USH2A: variants seen among roughly 807,000 people sequenced by gnomAD.
USH2A encodes usherin.
A neutral mutation model predicts 538.9 loss-of-function variants in USH2A; 443 were observed. That is an observed-to-expected ratio of 0.82 (90% CI 0.76 to 0.89). The LOEUF (loss-of-function observed/expected upper bound fraction) is 0.89, where lower values mean the gene tolerates loss of function less well. Ranked by LOEUF, USH2A falls within the 40% of genes least tolerant of loss-of-function variation. USH2A has a pLI of 0.00. For missense variants in USH2A, 6,633 were observed against 6,324.8 expected (o/e 1.05, Z -1.65); for synonymous variants, 2,413 against 2,273.5 (o/e 1.06, Z -1.75).
At position 215,790,274 on chromosome 1, in the gene USH2A, A is replaced by C. The variant is rs766658893; in HGVS notation, c.9967T>G (p.Cys3323Gly). The C allele has an allele frequency of 2.0e-5, 32 of 1,613,850 alleles. No homozygotes were observed. The highest frequency in any genetic ancestry group is 2.7e-5 in the Non-Finnish European group (32 of 1,179,994). Residue 3323 changes from cysteine (C) to glycine (G), a missense_variant, in exon 51 of 72, where the codon TGT becomes GGT. Physicochemically the swap from Cys to Gly is radical, Grantham distance 159. Transcript: ENST00000307340. ...VVYNRLPGMF[C>G]CGQDYVNMSD... ...ATATTCACATAATCCTGCCCACAAC[A>C]GAACATACCTGCAACAATAAAATGT...
chr1:216,253,763 T>C (rs1232773467), intron 11 of USH2A, among the ~76,000 whole-genome samples: 2 of 152,228 alleles, frequency 1.3e-5, no homozygotes, highest in Admixed American at 6.5e-5. Context: ...AAACAAATTG[T>C]AGTCGTTAAA....
At position 216,015,924 on chromosome 1, in the gene USH2A, CA is replaced by C. The variant is rs377152199; in HGVS notation, c.6326-15363del. ...TTTATTGCCGCACTATTCACAATAGCAAAGACTTGGAACCAACCCAAACGTC... is the reference window on the plus strand; with the variant it reads ...TTTATTGCCGCACTATTCACAATAGCAAGACTTGGAACCAACCCAAACGTC... On this transcript the variant is annotated intron_variant, in intron 32 of 71. Coordinates refer to ENST00000307340, the MANE Select transcript of USH2A (RefSeq NM_206933.4). Among the ~76,000 whole-genome samples the C allele has an allele frequency of 6.1e-3, 921 of 152,228 alleles. 9 individuals carry two copies. Among genetic ancestry groups the C allele is most frequent in the African/African-American group, 0.021 (872 of 41,538 alleles).
chr1:215,867,299 T>C, intron 43 of USH2A, 129 bp from the exon 44 acceptor site: 1 of 1,000,854 alleles, frequency 1.0e-6, no homozygotes, highest in South Asian at 1.6e-5. Flanking sequence ...TGTTTTCTTT[T>C]CCTCCCTAGA....
chr1:215,817,166 C>G lies in USH2A; in HGVS notation c.9401G>C (p.Arg3134Pro), dbSNP rs780020144. The G allele has an allele frequency of 1.9e-6, 3 of 1,612,194 alleles. No individual in the cohort carries two copies. The highest frequency in any genetic ancestry group is 2.5e-6 in the Non-Finnish European group (3 of 1,178,742). The change falls in exon 48 of 72, where the codon CGG becomes CCG. Residue 3134 changes from arginine to proline, a missense_variant. Coordinates refer to ENST00000307340, the MANE Select transcript of USH2A (RefSeq NM_206933.4). The part of the protein sequence containing the change: ...RSLQIDWVSP[R>P]KPNGIILGYD... ...TCCAAGAATGATGCCATTTGGCTTC[C>G]GTGGAGACACCCAATCAATTTGAAG...
At chr1:216,126,064 G>T (rs777753801) in intron 21 of USH2A, among the ~76,000 whole-genome samples, 1 of 152,160 alleles carries the variant, frequency 6.6e-6, no homozygotes, top group Non-Finnish European at 1.5e-5. Flanking sequence ...TGCAGTGCAA[G>T]AATTAAAAAT....
At chr1:215,810,728 A>C (rs1662646448) in intron 49 of USH2A, among the ~76,000 whole-genome samples, 1 of 152,188 alleles carries the variant, frequency 6.6e-6, no homozygotes, top group South Asian at 2.1e-4. Flanking sequence ...AGTTACTTCG[A>C]GAAAGTAAAG....
chr1:216,341,957 T>TGCCAAAAGCAATTGC (rs1193652487), intron 4 of USH2A, among the ~76,000 whole-genome samples: 1 of 151,862 alleles, frequency 6.6e-6, no homozygotes, highest in Non-Finnish European at 1.5e-5. Context: ...ATGTCAAAAA[T>TGCCAAAAGCAATTGC]GCCAAAAGCA....
chr1:215,797,000 C>A (rs1198996688), intron 50 of USH2A, among the ~76,000 whole-genome samples: 3 of 152,088 alleles, frequency 2.0e-5, no homozygotes, highest in Non-Finnish European at 4.4e-5. Context: ...GGTCTTATGG[C>A]CTTCAACCGT....
chr1:215,903,195 G>A (rs761852465), intron 38 of USH2A, among the ~76,000 whole-genome samples: 2 of 152,190 alleles, frequency 1.3e-5, no homozygotes, highest in Admixed American at 6.6e-5. Context: ...GTTTAAGGAG[G>A]AAGAAGACTG....
chr1:216,106,674 G>A (rs2032743887), intron 21 of USH2A, among the ~76,000 whole-genome samples: 1 of 149,780 alleles, frequency 6.7e-6, no homozygotes, highest in Non-Finnish European at 1.5e-5. Context: ...ATCCAATTCT[G>A]CCTTAATTTT....
chr1:216,061,517 C>T (rs1245488054), intron 30 of USH2A, among the ~76,000 whole-genome samples: 1 of 152,084 alleles, frequency 6.6e-6, no homozygotes, highest in Non-Finnish European at 1.5e-5. Context: ...TGGTGACAAA[C>T]TCCTCCTTTA....
In USH2A at chr1:215,629,643, G is replaced by A. The variant is rs149690575; in HGVS notation, c.15298-608C>T. ...TACATCAGGTCTGATATTAACATCA[G>A]AGAGAAAAAGTCACTACATAATTTA... On this transcript the variant is annotated intron_variant, in intron 70 of 71. Coordinates refer to ENST00000307340, the MANE Select transcript of USH2A (RefSeq NM_206933.4). Among the ~76,000 whole-genome samples, 4 of 152,094 alleles carry A rather than the reference G, an allele frequency of 2.6e-5. 1 individual carries two copies. In the East Asian group the frequency reaches 7.7e-4, roughly 29 times the overall value.
intron 37 of USH2A, among the ~76,000 whole-genome samples, chr1:215,951,209 T>C (rs1331900630): frequency 1.3e-5 from 2 of 152,146 alleles, no homozygotes; most frequent in Non-Finnish European, 2.9e-5. Context: ...AAATTTCCCT[T>C]TACACACTGC....
At chr1:216,169,522 C>A (rs1030684732) in intron 21 of USH2A, among the ~76,000 whole-genome samples, 8 of 152,066 alleles carry the variant, frequency 5.3e-5, no homozygotes, top group African/African-American at 1.9e-4. Context: ...CTTACTTATA[C>A]CTCTCTACTA....
intron 11 of USH2A, among the ~76,000 whole-genome samples, chr1:216,288,532 TTG>T (rs1218069078): frequency 6.6e-6 from 1 of 152,152 alleles, no homozygotes; most frequent in African/African-American, 2.4e-5. Context: ...TATAACTGGA[TTG>T]TGGTTTATGC....
chr1:216,087,951 A>C (rs919829923), intron 23 of USH2A, among the ~76,000 whole-genome samples: 1 of 152,030 alleles, frequency 6.6e-6, no homozygotes, highest in African/African-American at 2.4e-5. Context: ...TTCCCTCAAA[A>C]TCCTTCAACA....
chr1:216,122,669 G>C (rs1007402407), intron 21 of USH2A, among the ~76,000 whole-genome samples: 12 of 152,144 alleles, frequency 7.9e-5, no homozygotes, highest in Non-Finnish European at 1.6e-4. Context: ...GTACAAAATG[G>C]AGGCCAGATT....
rs1661137359 is a variant in USH2A at position 215,766,690 on chromosome 1, C to A, written c.11038G>T (p.Ala3680Ser). 4 of 1,613,282 alleles carry A rather than the reference C, an allele frequency of 2.5e-6. No homozygotes were observed. The highest frequency in any genetic ancestry group is 1.7e-5 in the Admixed American group (1 of 59,988). The change falls in exon 56 of 72, where the codon GCT (alanine) becomes TCT (serine). Residue 3680 changes from alanine to serine, a missense_variant. Ala to Ser is a moderately conservative substitution (Grantham distance 99, BLOSUM62 1). Coordinates refer to ENST00000307340, the MANE Select transcript of USH2A (RefSeq NM_206933.4). ...GATATTGTTTCATTACCTTCAGGAGCTGCCTGCAGTGTCTGACCTAGAAAA... is the reference window on the plus strand; with the variant it reads ...GATATTGTTTCATTACCTTCAGGAGATGCCTGCAGTGTCTGACCTAGAAAA... ...EPFLGQTLQA[A>S]PEGVWVTPRH...
At chr1:215,833,458 T>A (rs1356150358) in intron 47 of USH2A, among the ~76,000 whole-genome samples, 1 of 151,954 alleles carries the variant, frequency 6.6e-6, no homozygotes, top group East Asian at 1.9e-4. Flanking sequence ...AGATAATCTT[T>A]CCAAAAATTT....
Sources: gnomAD v4.1 joint callset for allele counts (sites outside exome capture counted in the v4.1 genomes callset) on GRCh38, gnomAD v4.1.1 for gene constraint, MANE v1.5 for transcripts, NCBI Gene and HGNC (gene_info 2026-07-23, HGNC 2026-07-21) for gene names.